The following AVEN variants were observed in gnomAD, a reference collection of about 807,000 sequenced individuals.
AVEN encodes apoptosis and caspase activation inhibitor, also known as cell death regulator Aven.
A neutral mutation model predicts 38.1 loss-of-function variants in AVEN; 41 were observed. That is an observed-to-expected ratio of 1.08 (90% CI 0.84 to 1.40). The LOEUF is 1.40. AVEN is among the 40% of genes most tolerant of loss of function. The pLI is 0.00. For missense variants in AVEN, 605 were observed against 438.8 expected (o/e 1.38, Z -3.38); for synonymous variants, 206 against 171.8 (o/e 1.20, Z -1.56).
In AVEN at chr15:34,038,945, C is replaced by A; in HGVS notation, c.102G>T (p.Ala34=). ...RHSERPGAAA[A]VARGGGGGGG... ...CGCCTCCGCCGCCGCCTCTGGCTAC[C>A]GCCGCTGCGGCTCCGGGCCGCTCGC... is the stretch of plus-strand genomic sequence containing the variant. Residue 34 remains alanine, a synonymous_variant, in exon 1 of 6, where the codon GCG becomes GCT. Transcript: ENST00000306730. The A allele has an allele frequency of 3.6e-6, 4 of 1,101,280 alleles. No individual in the cohort carries two copies. Among genetic ancestry groups the A allele is most frequent in the Non-Finnish European group, 4.4e-6 (4 of 910,496 alleles). 68.2% of individuals were successfully genotyped at this position (1,101,280 alleles called of 1,614,324 possible). A position where few individuals can be genotyped will look rare whatever the true frequency, so the allele number is the denominator to read the frequency against.
chr15:33,857,878 T>C (rs2079859123), downstream of AVEN: 1 of 1,614,102 alleles, frequency 6.2e-7, no homozygotes, highest in South Asian at 1.1e-5. Context: ...GCGAAGACGA[T>C]GACGAGCCCG....
chr15:33,998,586 A>G (rs970203219), intron 2 of AVEN, among the ~76,000 whole-genome samples: 3 of 152,218 alleles, frequency 2.0e-5, no homozygotes, highest in African/African-American at 7.2e-5. Context: ...TGTCTCAAAC[A>G]TCTCTTCCCA....
intron 2 of AVEN, among the ~76,000 whole-genome samples, chr15:33,887,827 TCTTA>T (rs1360287344): frequency 6.6e-6 from 1 of 152,146 alleles, no homozygotes; most frequent in Non-Finnish European, 1.5e-5. Flanking sequence ...AGCTTATGTG[TCTTA>T]CTAATAACTT....
At chr15:33,874,564 G>T (rs1891141860) in intron 3 of AVEN, among the ~76,000 whole-genome samples, 2 of 151,874 alleles carry the variant, frequency 1.3e-5, no homozygotes, top group Admixed American at 1.3e-4. Flanking sequence ...TCTCAGTATT[G>T]TTAATTCATT....
chr15:33,910,731 G>A (rs1034109296), intron 2 of AVEN, among the ~76,000 whole-genome samples: 10 of 152,192 alleles, frequency 6.6e-5, no homozygotes, highest in East Asian at 3.9e-4. Context: ...CTGCAGATGG[G>A]CCAACGGACA....
chr15:33,992,631 C>G (rs1036531854), intron 2 of AVEN, among the ~76,000 whole-genome samples: 1 of 150,128 alleles, frequency 6.7e-6, no homozygotes, highest in South Asian at 2.1e-4. Flanking sequence ...TAATATGAGA[C>G]TATATTGGCA....
intron 2 of AVEN, among the ~76,000 whole-genome samples, chr15:33,965,647 G>A (rs1410423534): frequency 1.3e-5 from 2 of 152,098 alleles, no homozygotes; most frequent in African/African-American, 4.8e-5. Context: ...GGAGAGTTCA[G>A]TTTAAATATG....
intron 2 of AVEN, among the ~76,000 whole-genome samples, chr15:33,983,148 G>GTGTGTA (rs1555512735): frequency 4.4e-5 from 6 of 137,546 alleles, no homozygotes; most frequent in African/African-American, 1.4e-4. Flanking sequence ...GTGTGTGTGT[G>GTGTGTA]TGTGTGTGTG....
chr15:33,897,227 T>TA (rs1276199212), intron 2 of AVEN, among the ~76,000 whole-genome samples: 1 of 152,160 alleles, frequency 6.6e-6, no homozygotes, highest in African/African-American at 2.4e-5. Context: ...CTTACATTTG[T>TA]AAAAACTGTA....
At chr15:34,065,568 C>G (rs1900488587) in intron 4 of AVEN, 1 of 152,152 alleles carries the variant, frequency 6.6e-6, no homozygotes. Context: ...CAGAAAAGCA[C>G]ACTTGAGGGT....
downstream of AVEN, chr15:33,861,238 T>C: frequency 8.2e-7 from 1 of 1,222,210 alleles, no homozygotes; most frequent in East Asian, 2.6e-5. Context: ...GCCAATTAGG[T>C]CATATAGTTC....
rs758133076 is a variant in AVEN, at chr15:33,867,674, G to C, written c.794C>G (p.Ser265Ter). Reference sequence around the variant, plus strand: ...GGAAGTGGGTTTCTGAGAATCCCTTGAAGGACCCGGGCTTGGGTTGTCTTT... The same window carrying C: ...GGAAGTGGGTTTCTGAGAATCCCTTCAAGGACCCGGGCTTGGGTTGTCTTT... The part of the protein sequence containing the change: ...LGKDNPSPGP[S>*]RDSQKPTSPL... Residue 265 changes from serine (S) to a stop codon, truncating the protein, a stop_gained, in exon 5 of 6, where the codon TCA (serine) becomes TGA (stop). Transcript: ENST00000306730. LOFTEE classifies it high-confidence loss of function. 5.2e-5 allele frequency: 84 copies of C among 1,613,994 alleles called. No homozygotes were observed. The highest frequency in any genetic ancestry group is 6.6e-5 in the Non-Finnish European group (78 of 1,180,026).
chr15:34,004,637 T>C (rs1346496493), intron 1 of AVEN, among the ~76,000 whole-genome samples: 1 of 152,192 alleles, frequency 6.6e-6, no homozygotes, highest in African/African-American at 2.4e-5. Flanking sequence ...AACACTGAAC[T>C]CTTTATGGAT....
intron 2 of AVEN, among the ~76,000 whole-genome samples, chr15:33,930,912 A>G (rs956370504): frequency 3.4e-5 from 5 of 148,834 alleles, no homozygotes; most frequent in African/African-American, 1.2e-4. Flanking sequence ...CCAAGATCAC[A>G]CCACTGTACT....
chr15:33,975,238 A>G (rs1301893292), intron 2 of AVEN, among the ~76,000 whole-genome samples: 1 of 152,200 alleles, frequency 6.6e-6, no homozygotes, highest in Non-Finnish European at 1.5e-5. Context: ...GAGGATTCAC[A>G]AAGATATTCT....
chr15:33,855,005 T>C, downstream of AVEN: 1 of 1,244,888 alleles, frequency 8.0e-7, no homozygotes. Context: ...CAGGAAGGAA[T>C]ATGTCTTGGT....
At chr15:34,067,246 T>A (rs541351183) in intron 2 of AVEN, 4 of 152,256 alleles carry the variant, frequency 2.6e-5, no homozygotes, top group South Asian at 2.1e-4. Flanking sequence ...TTTGTCAATA[T>A]TCTCAGCTTT....
chr15:34,054,601 A>T (rs1900057591), intron 5 of AVEN, among the ~76,000 whole-genome samples: 1 of 152,218 alleles, frequency 6.6e-6, no homozygotes, highest in Non-Finnish European at 1.5e-5. Context: ...TAAACACCGC[A>T]TGTTCTCACT....
At chr15:34,056,006 C>T (rs73389935) in intron 5 of AVEN, among the ~76,000 whole-genome samples, 2,604 of 152,170 alleles carry the variant, frequency 0.017, 88 homozygotes, top group African/African-American at 0.061. Flanking sequence ...GTGTGAGCCA[C>T]CACACCCAGC....
Sources: gnomAD v4.1 joint callset for allele counts (sites outside exome capture counted in the v4.1 genomes callset) on GRCh38, gnomAD v4.1.1 for gene constraint, MANE v1.5 for transcripts, NCBI Gene and HGNC (gene_info 2026-07-23, HGNC 2026-07-21) for gene names.